The following KIF26B variants were observed in gnomAD, a reference collection of about 807,000 sequenced individuals.
KIF26B encodes the protein kinesin family member 26B.
Under a neutral mutation model 151.2 loss-of-function variants are expected in KIF26B, and 63 were observed. That is an observed-to-expected ratio of 0.42 (90% CI 0.34 to 0.51). The LOEUF is 0.51. Ranked by LOEUF, KIF26B falls within the 20% of genes least tolerant of loss-of-function variation. The probability of loss-of-function intolerance (pLI) is 0.07; values close to 1 mark genes in which losing one functional copy is unlikely to be tolerated. For missense variants in KIF26B, 2,813 were observed against 2,913.6 expected, an observed-to-expected ratio of 0.97 and a Z score of 0.79; for synonymous variants, 1,357 against 1,262.1, an observed-to-expected ratio of 1.08 and a Z score of -1.59.
At chr1:245,407,886 T>A (rs1430793198) in intron 3 of KIF26B, among the ~76,000 whole-genome samples, 1 of 152,156 alleles carries the variant, frequency 6.6e-6, no homozygotes, top group Non-Finnish European at 1.5e-5. Context: ...CAAGACATGC[T>A]GTAGGCCCTG....
intron 2 of KIF26B, among the ~76,000 whole-genome samples, chr1:245,250,657 C>T (rs1027678949): frequency 4.6e-5 from 7 of 152,150 alleles, no homozygotes; most frequent in African/African-American, 9.6e-5. Context: ...GAGGATAAAA[C>T]GATGTTTTCT....
chr1:245,658,357 T>C (rs1254309971), intron 10 of KIF26B, among the ~76,000 whole-genome samples: 1 of 152,216 alleles, frequency 6.6e-6, no homozygotes, highest in Non-Finnish European at 1.5e-5. Context: ...AGATGCTCAC[T>C]TGGTTCCTCC....
At chr1:245,519,239 G>A (rs1443345903) in intron 4 of KIF26B, among the ~76,000 whole-genome samples, 2 of 151,998 alleles carry the variant, frequency 1.3e-5, no homozygotes, top group Non-Finnish European at 2.9e-5. Context: ...ATCCAACAGA[G>A]AAAAAAGGTT....
intron 9 of KIF26B, among the ~76,000 whole-genome samples, chr1:245,616,841 G>A (rs2043596576): frequency 6.6e-6 from 1 of 152,188 alleles, no homozygotes; most frequent in African/African-American, 2.4e-5. Context: ...CTGTCCTGTT[G>A]ACAAAGATAA....
intron 2 of KIF26B, among the ~76,000 whole-genome samples, chr1:245,317,591 C>G (rs1671804114): frequency 6.6e-6 from 1 of 152,196 alleles, no homozygotes; most frequent in Non-Finnish European, 1.5e-5. Context: ...ATGAAAAGCA[C>G]AAAGCTACTG....
chr1:245,479,594 T>C (rs1240589268), intron 4 of KIF26B, among the ~76,000 whole-genome samples: 1 of 151,936 alleles, frequency 6.6e-6, no homozygotes, highest in Non-Finnish European at 1.5e-5. Context: ...GCAGTCACCT[T>C]ACCTAACTTG....
In KIF26B at chr1:245,602,907, G is replaced by A; in HGVS notation, c.1557+124G>A. 2 of 822,088 alleles carry A rather than the reference G, an allele frequency of 2.4e-6. No homozygotes were observed. Among genetic ancestry groups the A allele is most frequent in the Non-Finnish European group, 4.1e-6 (2 of 492,702 alleles). The allele number at this position is 822,088 out of a possible 1,614,324, so 50.9% of individuals were successfully genotyped here. A position where few individuals can be genotyped will look rare whatever the true frequency, so the allele number is the denominator to read the frequency against. On this transcript the variant is annotated intron_variant, in intron 6 of 14. Transcript: ENST00000407071. The surrounding 1 kb of genome is among the most constrained non-coding windows in gnomAD (Gnocchi z 4.5). The stretch of plus-strand genomic sequence containing the variant: ...CATTCTGATGGACCAGTTCCTTCAG[G>A]AGTCAATCTGAGCTCCACCGAATGG...
chr1:245,637,135 A>G (rs928650895), intron 9 of KIF26B, among the ~76,000 whole-genome samples: 1 of 152,046 alleles, frequency 6.6e-6, no homozygotes, highest in Non-Finnish European at 1.5e-5. Context: ...ATTCCCACCA[A>G]GTGTATGAGC....
chr1:245,182,919 A>C (rs1668933785), intron 2 of KIF26B, among the ~76,000 whole-genome samples: 1 of 152,182 alleles, frequency 6.6e-6, no homozygotes, highest in South Asian at 2.1e-4. Context: ...TATAGGCGTG[A>C]GCCACCACGC....
chr1:245,660,198 C>G, intron 10 of KIF26B, among the ~76,000 whole-genome samples: 1 of 70,796 alleles, frequency 1.4e-5, no homozygotes, highest in Non-Finnish European at 2.9e-5. Flanking sequence ...AGAATTTACC[C>G]CAAAGCTTGA....
Position 245,217,467 on chromosome 1 carries a change from C to T in KIF26B, c.465+60784C>T, listed in dbSNP as rs912370109. 6.0e-5 allele frequency among the ~76,000 whole-genome samples: 9 copies of T among 151,202 alleles called. No individual in the cohort carries two copies. The East Asian group carries it at 1.2e-3, about 20-fold the overall frequency. ...GCAACCTCCGCTGCTGGGGTTCAAG[C>T]GATTCTCCTGCCTCAGCCTCCCTAG... is the stretch of plus-strand genomic sequence containing the variant. On this transcript the variant is annotated intron_variant, in intron 2 of 14. Transcript: ENST00000407071.
chr1:245,587,440 A>G lies in KIF26B; in HGVS notation c.1351-15137A>G, dbSNP rs182501824. Among the ~76,000 whole-genome samples the G allele has an allele frequency of 2.0e-5, 3 of 152,292 alleles. No individual in the cohort carries two copies. The East Asian group carries it at 5.8e-4, about 29-fold the overall frequency. ...GGGGTACTTAACAGATGCTTAGTGAAGGAAGGAATGGATTTCTCACCTGGT... is the reference window on the plus strand; with the variant it reads ...GGGGTACTTAACAGATGCTTAGTGAGGGAAGGAATGGATTTCTCACCTGGT... On this transcript the variant is annotated intron_variant, in intron 5 of 14. Transcript: ENST00000407071.
chr1:245,608,853 G>C (rs187690951), intron 7 of KIF26B, among the ~76,000 whole-genome samples: 5 of 152,220 alleles, frequency 3.3e-5, no homozygotes, highest in African/African-American at 1.2e-4. Flanking sequence ...CTGGGCTCAA[G>C]TGATCCTCTC....
chr1:245,579,936 G>A (rs2043158913), intron 5 of KIF26B, among the ~76,000 whole-genome samples: 1 of 152,304 alleles, frequency 6.6e-6, no homozygotes, highest in Non-Finnish European at 1.5e-5. Flanking sequence ...GTGGTGGCGG[G>A]CTGGCCCTCT....
intron 2 of KIF26B, among the ~76,000 whole-genome samples, chr1:245,204,409 T>C (rs1669359371): frequency 6.6e-6 from 1 of 151,928 alleles, no homozygotes; most frequent in Non-Finnish European, 1.5e-5. Context: ...AGTCTTGCTC[T>C]GCCACCCAGG....
intron 5 of KIF26B, among the ~76,000 whole-genome samples, chr1:245,568,436 G>A (rs2043033236): frequency 6.6e-6 from 1 of 151,180 alleles, no homozygotes; most frequent in African/African-American, 2.4e-5. Context: ...CTTGAGCGTA[G>A]GAGGTTGAGG....
intron 2 of KIF26B, among the ~76,000 whole-genome samples, chr1:245,198,606 C>T (rs530927486): frequency 1.1e-4 from 16 of 151,880 alleles, no homozygotes; most frequent in South Asian, 4.2e-4. Context: ...CCTGTAATTC[C>T]GGCTAGTTGG....
intron 5 of KIF26B, among the ~76,000 whole-genome samples, chr1:245,551,746 G>A (rs1445859189): frequency 6.6e-6 from 1 of 152,140 alleles, no homozygotes; most frequent in Admixed American, 6.5e-5. Context: ...CTCCCAGGGT[G>A]GATCTGCACA....
intron 2 of KIF26B, among the ~76,000 whole-genome samples, chr1:245,359,122 G>T (rs1672761526): frequency 6.6e-6 from 1 of 151,940 alleles, no homozygotes; most frequent in Admixed American, 6.6e-5. Flanking sequence ...GTGTTCCAGT[G>T]ATTCTCCTGC....
Sources: allele counts gnomAD v4.1 joint callset (sites outside exome capture counted in the v4.1 genomes callset), GRCh38; gene constraint gnomAD v4.1.1; non-coding constraint Gnocchi (gnomAD v3.1); transcripts MANE v1.5; gene names NCBI Gene and HGNC (gene_info 2026-07-23, HGNC 2026-07-21).